Variants in ANO3 observed in about 807,000 individuals in gnomAD.
ANO3 encodes the protein anoctamin 3.
Under a neutral mutation model 144.8 loss-of-function variants are expected in ANO3, and 99 were observed. The observed-to-expected ratio is 0.68, with a 90% CI of 0.58 to 0.81. ANO3 has a LOEUF of 0.81. Among genes scored for constraint, ANO3 ranks in the 30% least tolerant of loss-of-function variants. ANO3 has a pLI of 0.00. For synonymous variants in ANO3, 414 were observed against 392.6 expected (o/e 1.05, Z -0.64); for missense variants, 905 against 1,202.2 (o/e 0.75, Z 3.66).
chr11:26,442,927 G>T lies in ANO3; in HGVS notation c.241+815G>T, dbSNP rs1328190759. 2.0e-5 allele frequency among the ~76,000 whole-genome samples: 3 copies of T among 152,004 alleles called. No individual in the cohort carries two copies. In the East Asian group the frequency reaches 5.8e-4, roughly 30 times the overall value. ...ATTACAGGCACACACCACCATGCCT[G>T]GCTAATTTTTGTATTTTTAGTAGAG... On this transcript the variant is annotated intron_variant, in intron 2 of 26. Transcript: ENST00000256737.
At chr11:26,339,704 C>T (rs1220612238) in intron 1 of ANO3, among the ~76,000 whole-genome samples, 1 of 152,218 alleles carries the variant, frequency 6.6e-6, no homozygotes, top group African/African-American at 2.4e-5. Flanking sequence ...CTTCATTCAC[C>T]GTATATCTGA....
At chr11:26,221,605 G>A (rs981092224) in intron 1 of ANO3, among the ~76,000 whole-genome samples, 3 of 152,158 alleles carry the variant, frequency 2.0e-5, no homozygotes, top group African/African-American at 7.2e-5. Flanking sequence ...AATTTATAAA[G>A]ATAAAAGGCT....
chr11:26,320,706 T>A (rs1296926578), intron 1 of ANO3, among the ~76,000 whole-genome samples: 3 of 152,162 alleles, frequency 2.0e-5, no homozygotes, highest in African/African-American at 7.2e-5. Context: ...TACATAATGT[T>A]TCTGTTTAAC....
chr11:26,618,810 T>C lies in ANO3; in HGVS notation c.1837-5652T>C, dbSNP rs1408014148. Reference sequence around the variant, plus strand: ...GCTTCCTGTGTCTGGAATGCCATTCTTAATTTGTCTCCTTGGTGAATATCT... The same window carrying C: ...GCTTCCTGTGTCTGGAATGCCATTCCTAATTTGTCTCCTTGGTGAATATCT... On this transcript the variant is annotated intron_variant, in intron 17 of 26. Coordinates refer to ENST00000256737, the MANE Select transcript of ANO3 (RefSeq NM_031418.4). 2.6e-5 allele frequency among the ~76,000 whole-genome samples: 4 copies of C among 152,326 alleles called. No homozygotes were observed. In the East Asian group the frequency reaches 7.7e-4, roughly 29 times the overall value.
chr11:26,487,636 A>T (rs1417413085), intron 4 of ANO3, among the ~76,000 whole-genome samples: 1 of 152,170 alleles, frequency 6.6e-6, no homozygotes, highest in African/African-American at 2.4e-5. Context: ...AAAAATGCCG[A>T]TAGTGATATG....
intron 1 of ANO3, among the ~76,000 whole-genome samples, chr11:26,253,051 G>C (rs1411394787): frequency 1.3e-5 from 2 of 152,164 alleles, no homozygotes; most frequent in Non-Finnish European, 2.9e-5. Flanking sequence ...AGGAAGCAGA[G>C]GGCTTCTTTA....
rs1851372080 is a variant in ANO3 at position 26,589,178 on chromosome 11, C to A, written c.1448-9187C>A. On this transcript the variant is annotated intron_variant, in intron 14 of 26. Transcript: ENST00000256737. The stretch of plus-strand genomic sequence containing the variant: ...GCTCTGCCATTTATTGTCTGTGTCA[C>A]AGCCAATTAGCATCTTTGCTTCCAA... Among the ~76,000 whole-genome samples the A allele has an allele frequency of 3.3e-5, 5 of 152,350 alleles. No homozygotes were observed. In the South Asian group the frequency reaches 1.0e-3, roughly 32 times the overall value.
intron 12 of ANO3, among the ~76,000 whole-genome samples, chr11:26,549,765 G>C (rs1849882928): frequency 6.6e-6 from 1 of 151,876 alleles, no homozygotes; most frequent in African/African-American, 2.4e-5. Context: ...GCAGACACGT[G>C]TGGCCTGGTT....
intron 14 of ANO3, among the ~76,000 whole-genome samples, chr11:26,576,056 A>G (rs1387580668): frequency 6.6e-6 from 1 of 152,200 alleles, no homozygotes; most frequent in African/African-American, 2.4e-5. Context: ...TGAAATCTTT[A>G]TTCAGTGTTA....
At chr11:26,408,099 G>T (rs1315616209) in intron 1 of ANO3, among the ~76,000 whole-genome samples, 1 of 151,910 alleles carries the variant, frequency 6.6e-6, no homozygotes, top group Admixed American at 6.6e-5. Flanking sequence ...AAAAGCAATG[G>T]CAACAAAAGC....
At chr11:26,631,917 C>T (rs1173613284) in intron 18 of ANO3, among the ~76,000 whole-genome samples, 1 of 152,058 alleles carries the variant, frequency 6.6e-6, no homozygotes, top group East Asian at 1.9e-4. Flanking sequence ...TGGTGGTTCA[C>T]GCCTGTGATC....
chr11:26,371,741 C>T (rs1856264001), intron 1 of ANO3, among the ~76,000 whole-genome samples: 1 of 152,222 alleles, frequency 6.6e-6, no homozygotes, highest in Admixed American at 6.5e-5. Flanking sequence ...AATGACTGCC[C>T]TATTTGATTT....
At chr11:26,556,033 A>T (rs1484977747) in intron 13 of ANO3, among the ~76,000 whole-genome samples, 1 of 152,146 alleles carries the variant, frequency 6.6e-6, no homozygotes, top group Non-Finnish European at 1.5e-5. Flanking sequence ...AATTTCAGTG[A>T]TATGTTTGCA....
At chr11:26,300,846 C>G (rs544192930) in intron 1 of ANO3, among the ~76,000 whole-genome samples, 1 of 141,362 alleles carries the variant, frequency 7.1e-6, no homozygotes, top group East Asian at 2.0e-4. Flanking sequence ...TTATTTCTTT[C>G]TTTTTTTTCT....
At chr11:26,365,366 A>G (rs1374334652) in intron 1 of ANO3, among the ~76,000 whole-genome samples, 3 of 152,132 alleles carry the variant, frequency 2.0e-5, no homozygotes, top group African/African-American at 4.8e-5. Context: ...GGTCTGGGGG[A>G]CACTGGCCCC....
chr11:26,463,971 C>A (rs1859508755), intron 4 of ANO3, among the ~76,000 whole-genome samples: 1 of 151,456 alleles, frequency 6.6e-6, no homozygotes, highest in Non-Finnish European at 1.5e-5. Context: ...ATATTAAGTG[C>A]AGTTTAACAC....
intron 1 of ANO3, among the ~76,000 whole-genome samples, chr11:26,394,984 C>T (rs1369749024): frequency 6.6e-6 from 1 of 152,120 alleles, no homozygotes; most frequent in African/African-American, 2.4e-5. Context: ...AGATATTTAT[C>T]TTTTCAGAGA....
At chr11:26,292,989 T>A (rs1218561608) in intron 1 of ANO3, among the ~76,000 whole-genome samples, 1 of 152,218 alleles carries the variant, frequency 6.6e-6, no homozygotes, top group Non-Finnish European at 1.5e-5. Context: ...ATCACCCATC[T>A]TCTGCGTCAC....
At chr11:26,635,453 A>G (rs1852925513) in intron 20 of ANO3, among the ~76,000 whole-genome samples, 1 of 152,162 alleles carries the variant, frequency 6.6e-6, no homozygotes, top group Non-Finnish European at 1.5e-5. Context: ...TAATTATATA[A>G]AAGTACCTGC....
Sources: allele counts gnomAD v4.1 joint callset (sites outside exome capture counted in the v4.1 genomes callset), GRCh38; gene constraint gnomAD v4.1.1; transcripts MANE v1.5; gene names NCBI Gene and HGNC (gene_info 2026-07-23, HGNC 2026-07-21).